The following XIRP2 variants were observed in gnomAD, a reference collection of about 807,000 sequenced individuals.
XIRP2 encodes xin actin-binding repeat-containing protein 2.
XIRP2 carries 236 observed loss-of-function variants against 277.0 expected under a neutral mutation model. The observed-to-expected ratio is 0.85, with a 90% CI of 0.77 to 0.95. XIRP2 has a LOEUF of 0.95. XIRP2 is among the 40% of genes least tolerant of loss of function. XIRP2 has a pLI of 0.00. For synonymous variants in XIRP2, 1,490 were observed against 1,416.5 expected (o/e 1.05, Z -1.17); for missense variants, 4,640 against 4,157.5 (o/e 1.12, Z -3.19).
At chr2:167,029,402 T>G (rs747588382) in intron 2 of XIRP2, among the ~76,000 whole-genome samples, 2 of 152,042 alleles carry the variant, frequency 1.3e-5, no homozygotes, top group Non-Finnish European at 2.9e-5. Flanking sequence ...TTATTGAGAG[T>G]TTTTAGCATG....
At chr2:167,022,679 T>C (rs914093218) in intron 2 of XIRP2, among the ~76,000 whole-genome samples, 6 of 148,908 alleles carry the variant, frequency 4.0e-5, no homozygotes, top group African/African-American at 1.5e-4. Flanking sequence ...AATTCCCACC[T>C]ATGAGTGAGA....
intron 1 of XIRP2, among the ~76,000 whole-genome samples, chr2:166,896,500 AAAAG>A (rs1242449757): frequency 6.6e-6 from 1 of 151,874 alleles, no homozygotes; most frequent in Non-Finnish European, 1.5e-5. Flanking sequence ...AAGTAAAAAA[AAAAG>A]AAAAAGTTTA....
chr2:167,001,175 A>G (rs918831923), intron 2 of XIRP2, among the ~76,000 whole-genome samples: 4 of 152,270 alleles, frequency 2.6e-5, no homozygotes, highest in African/African-American at 9.6e-5. Context: ...TACCCTAAAC[A>G]GGTGCTTCCT....
chr2:167,127,860 TAGGG>T (rs1691252499), intron 2 of XIRP2, among the ~76,000 whole-genome samples: 1 of 152,210 alleles, frequency 6.6e-6, no homozygotes, highest in African/African-American at 2.4e-5. Flanking sequence ...GAAATTAACA[TAGGG>T]AGGTACAGAG....
intron 2 of XIRP2, among the ~76,000 whole-genome samples, chr2:167,018,178 A>T (rs966789046): frequency 6.6e-6 from 1 of 151,952 alleles, no homozygotes; most frequent in Admixed American, 6.6e-5. Flanking sequence ...TTGCCCCTGT[A>T]TTTTTTAAAT....
Position 167,257,937 on chromosome 2 carries a change from A to G in XIRP2, c.*120A>G. On this transcript the variant is annotated 3_prime_UTR_variant, in exon 11 of 11. Coordinates refer to ENST00000409195, the MANE Select transcript of XIRP2 (RefSeq NM_152381.6). ...CAACTTTTCAAATCCAAAGGAAATT[A>G]TGATGAAGGTTTTGGACATAAGCAG... The G allele has an allele frequency of 6.2e-7, 1 of 1,612,772 alleles. No homozygotes were observed. Among genetic ancestry groups the G allele is most frequent in the Non-Finnish European group, 8.5e-7 (1 of 1,179,312 alleles).
chr2:166,984,067 A>G (rs183039694), intron 2 of XIRP2, among the ~76,000 whole-genome samples: 107 of 152,262 alleles, frequency 7.0e-4, no homozygotes, highest in Admixed American at 6.9e-3. Flanking sequence ...CTGCATAGCT[A>G]ACCTTATTAA....
At chr2:166,967,347 C>T (rs4493276) in intron 2 of XIRP2, among the ~76,000 whole-genome samples, 79,718 of 151,604 alleles carry the variant, frequency 0.53, 23,008 homozygotes, top group East Asian at 0.82. Flanking sequence ...AGCTAAATTT[C>T]CTAAAATTAT....
At position 167,201,573 on chromosome 2, in the gene XIRP2, T is replaced by C. The variant is rs529342973; in HGVS notation, c.563-9162T>C. Among the ~76,000 whole-genome samples, 16 of 152,280 alleles carry C rather than the reference T, an allele frequency of 1.1e-4. No homozygotes were observed. The East Asian group carries it at 3.1e-3, about 29-fold the overall frequency. ...TCCCTTCTCTGTTCAACTGGACCTA[T>C]CCCTAACCCCTTCTTAAGTTTGATC... On this transcript the variant is annotated intron_variant, in intron 3 of 10. Coordinates refer to ENST00000409195, the MANE Select transcript of XIRP2 (RefSeq NM_152381.6).
chr2:166,943,861 C>T (rs190415150), intron 2 of XIRP2, among the ~76,000 whole-genome samples: 69 of 152,262 alleles, frequency 4.5e-4, no homozygotes, highest in African/African-American at 1.6e-3. Flanking sequence ...GATGATTTTC[C>T]TCTAGAGTAC....
intron 2 of XIRP2, among the ~76,000 whole-genome samples, chr2:167,117,744 A>G (rs926514037): frequency 1.2e-4 from 19 of 152,266 alleles, no homozygotes; most frequent in Non-Finnish European, 1.0e-4. Context: ...ACAGTACACC[A>G]GCAAACCTCT....
chr2:167,045,453 C>T (rs1183860324), intron 2 of XIRP2, among the ~76,000 whole-genome samples: 1 of 151,774 alleles, frequency 6.6e-6, no homozygotes, highest in African/African-American at 2.4e-5. Context: ...CTATCATGAC[C>T]GAGTAAACAG....
At chr2:166,901,975 TG>T (rs1365149377) in intron 1 of XIRP2, among the ~76,000 whole-genome samples, 1 of 152,116 alleles carries the variant, frequency 6.6e-6, no homozygotes, top group African/African-American at 2.4e-5. Context: ...GAGATAGAGC[TG>T]GGAGTGGATT....
At chr2:167,177,010 A>G (rs1024184277) in intron 3 of XIRP2, among the ~76,000 whole-genome samples, 2 of 152,180 alleles carry the variant, frequency 1.3e-5, no homozygotes, top group African/African-American at 2.4e-5. Flanking sequence ...CAATCCTTCC[A>G]CCAGTAGATC....
At chr2:167,009,193 C>G (rs745713862) in intron 2 of XIRP2, among the ~76,000 whole-genome samples, 58 of 148,098 alleles carry the variant, frequency 3.9e-4, no homozygotes, top group Non-Finnish European at 6.1e-4. Flanking sequence ...AGGTATATCT[C>G]CTAAAGTTAT....
At chr2:166,950,899 GTTA>G (rs1686010498) in intron 2 of XIRP2, among the ~76,000 whole-genome samples, 1 of 151,976 alleles carries the variant, frequency 6.6e-6, no homozygotes, top group South Asian at 2.1e-4. Context: ...TAAATAAGCA[GTTA>G]TTATATACAT....
chr2:167,146,902 T>C (rs1226066421), intron 3 of XIRP2, among the ~76,000 whole-genome samples: 2 of 152,096 alleles, frequency 1.3e-5, no homozygotes, highest in African/African-American at 2.4e-5. Context: ...AGTTTGAAAA[T>C]TGACAACTGA....
At chr2:167,194,312 C>G (rs1283729808) in intron 3 of XIRP2, among the ~76,000 whole-genome samples, 1 of 151,986 alleles carries the variant, frequency 6.6e-6, no homozygotes, top group East Asian at 1.9e-4. Flanking sequence ...AACTCCTCAC[C>G]TCAGGTTATC....
chr2:167,154,785 C>CA (rs1160978219), intron 3 of XIRP2, among the ~76,000 whole-genome samples: 1 of 151,670 alleles, frequency 6.6e-6, no homozygotes, highest in Non-Finnish European at 1.5e-5. Flanking sequence ...AAAAACCCTT[C>CA]AAAAAATTAA....
Sources: gnomAD v4.1 joint callset for allele counts (sites outside exome capture counted in the v4.1 genomes callset) on GRCh38, gnomAD v4.1.1 for gene constraint, MANE v1.5 for transcripts, NCBI Gene and HGNC (gene_info 2026-07-23, HGNC 2026-07-21) for gene names.